FAAH2: variants seen among roughly 807,000 people sequenced by gnomAD.
The protein encoded by FAAH2 is fatty-acid amide hydrolase 2.
In FAAH2, 60 loss-of-function variants were observed where a neutral mutation model predicts 36.9. The ratio of observed to expected loss-of-function variants is 1.63; its 90% CI spans 1.32 to 2.02. FAAH2 has a LOEUF of 2.02. Among genes scored for constraint, FAAH2 ranks in the 30% most tolerant of loss-of-function variants. FAAH2 has a pLI of 0.00. For missense variants in FAAH2, 689 were observed against 397.5 expected (o/e 1.73, Z -6.23); for synonymous variants, 214 against 143.8 (o/e 1.49, Z -3.49).
intron 7 of FAAH2, among the ~76,000 whole-genome samples, chrX:57,419,621 G>A (rs1374973976): frequency 9.0e-6 from 1 of 111,250 alleles, no homozygotes; most frequent in East Asian, 2.8e-4. Context: ...GATATTAGCC[G>A]TTTGTCAGAT....
chrX:57,367,003 A>C (rs1418998814), intron 5 of FAAH2, among the ~76,000 whole-genome samples: 1 of 111,638 alleles, frequency 9.0e-6, no homozygotes, highest in Non-Finnish European at 1.9e-5. Flanking sequence ...GTCTCTGCCA[A>C]CTCTCCAGGC....
intron 10 of FAAH2, among the ~76,000 whole-genome samples, chrX:57,455,274 AC>A (rs935317154): frequency 3.6e-5 from 4 of 111,429 alleles, no homozygotes; most frequent in African/African-American, 1.3e-4. Flanking sequence ...TTATTACCAG[AC>A]CACCCTTACC....
At chrX:57,225,602 A>T in the FAAH2 span, among the ~76,000 whole-genome samples, 1 of 111,649 alleles carries the variant, frequency 9.0e-6, no homozygotes, top group Middle Eastern at 4.6e-3. Context: ...GTTGAATAGA[A>T]TGTGTATTCT....
At chrX:57,285,647 G>C (rs2051798971), upstream of FAAH2, among the ~76,000 whole-genome samples, 1 of 111,663 alleles carries the variant, frequency 9.0e-6, no homozygotes, top group South Asian at 3.8e-4. Flanking sequence ...GCAAAGATAA[G>C]GAGGGAAGAG....
intron 5 of FAAH2, among the ~76,000 whole-genome samples, chrX:57,359,324 G>A (rs1216141692): frequency 9.0e-6 from 1 of 111,257 alleles, no homozygotes; most frequent in Non-Finnish European, 1.9e-5. Flanking sequence ...GTTTAGGTAT[G>A]TTGTAATTTA....
At chrX:57,278,063 G>GA in the FAAH2 span, among the ~76,000 whole-genome samples, 3 of 111,397 alleles carry the variant, frequency 2.7e-5, no homozygotes, top group Non-Finnish European at 5.7e-5. Context: ...CACAGAATTG[G>GA]AAAAAAACTA....
chrX:57,226,448 GT>G, the FAAH2 span, among the ~76,000 whole-genome samples: 1 of 111,836 alleles, frequency 8.9e-6, no homozygotes. Context: ...GCTGATAATT[GT>G]TTTGTTTGAG....
intron 5 of FAAH2, among the ~76,000 whole-genome samples, chrX:57,372,347 G>T (rs1222643004): frequency 1.8e-5 from 2 of 109,978 alleles, no homozygotes; most frequent in Non-Finnish European, 3.8e-5. Context: ...CATTCTGACT[G>T]GTGTGAGATG....
At position 57,341,328 on chromosome X, in the gene FAAH2, T is replaced by C; in HGVS notation, c.680T>C (p.Ile227Thr). 8.3e-7 allele frequency: 1 copy of C among 1,210,317 alleles called. No individual in the cohort carries two copies. The highest frequency in any genetic ancestry group is 1.8e-5 in the South Asian group (1 of 56,844). ...TCAGTTATTGGTGTGGGCTCTGATA[T>C]TGGTGGTAGCATTCGAATGCCTGCT... ...ACSVIGVGSD[I>T]GGSIRMPAFF... is the part of the protein sequence containing the mutation. Residue 227 changes from isoleucine (I) to threonine (T), a missense_variant, in exon 5 of 11, where the codon ATT becomes ACT. Coordinates refer to ENST00000374900, the MANE Select transcript of FAAH2 (RefSeq NM_174912.4).
At chrX:57,333,585 G>A (rs1003034522) in intron 4 of FAAH2, among the ~76,000 whole-genome samples, 2 of 68,098 alleles carry the variant, frequency 2.9e-5, no homozygotes, top group African/African-American at 9.8e-5. Context: ...AGAATCAAAA[G>A]CAAATGCTAG....
the FAAH2 span, among the ~76,000 whole-genome samples, chrX:57,162,966 TCTG>T: frequency 8.9e-6 from 1 of 112,507 alleles, no homozygotes; most frequent in Non-Finnish European, 1.9e-5. Flanking sequence ...GTTTTTCTGT[TCTG>T]CTTTTTCCCC....
At chrX:57,317,061 T>C (rs753911018) in intron 3 of FAAH2, among the ~76,000 whole-genome samples, 1 of 111,454 alleles carries the variant, frequency 9.0e-6, no homozygotes, top group Non-Finnish European at 1.9e-5. Flanking sequence ...AAATAACCCA[T>C]TAAAAAGTGA....
intron 1 of FAAH2, among the ~76,000 whole-genome samples, chrX:57,288,475 G>C (rs1395975250): frequency 3.9e-5 from 4 of 102,308 alleles, no homozygotes; most frequent in Non-Finnish European, 7.9e-5. Context: ...TCAGCCTCCC[G>C]AGTAGCTGGG....
At chrX:57,154,693 T>C in the FAAH2 span, among the ~76,000 whole-genome samples, 1 of 111,441 alleles carries the variant, frequency 9.0e-6, no homozygotes, top group South Asian at 3.8e-4. Flanking sequence ...GATTTCTTGG[T>C]TTGTATCCAT....
chrX:57,384,171 A>G (rs2054941835), intron 7 of FAAH2, among the ~76,000 whole-genome samples: 1 of 109,808 alleles, frequency 9.1e-6, no homozygotes, highest in Non-Finnish European at 1.9e-5. Flanking sequence ...ACAAAAATTA[A>G]TTCAAGATGG....
At chrX:57,216,532 A>ATATATATACATATATG in the FAAH2 span, among the ~76,000 whole-genome samples, 1 of 67,923 alleles carries the variant, frequency 1.5e-5, no homozygotes, top group Non-Finnish European at 2.5e-5. Flanking sequence ...ATATGTATAT[A>ATATATATACATATATG]TATATATATA....
At chrX:57,161,574 C>G in the FAAH2 span, among the ~76,000 whole-genome samples, 352 of 111,666 alleles carry the variant, frequency 3.2e-3, 2 homozygotes, top group South Asian at 0.011. Flanking sequence ...TTTAGGAGAG[C>G]TAGCTCTTCT....
chrX:57,318,165 A>C (rs2146931743), intron 3 of FAAH2, among the ~76,000 whole-genome samples: 1 of 109,237 alleles, frequency 9.2e-6, no homozygotes, highest in East Asian at 2.9e-4. Flanking sequence ...CTAAGATCAG[A>C]GCAGAACTAA....
At chrX:57,261,266 A>C in the FAAH2 span, among the ~76,000 whole-genome samples, 1 of 111,392 alleles carries the variant, frequency 9.0e-6, no homozygotes, top group Admixed American at 9.6e-5. Flanking sequence ...AATTTTGTGG[A>C]GTGAAAAAAT....
Sources: gnomAD v4.1 joint callset for allele counts (sites outside exome capture counted in the v4.1 genomes callset) on GRCh38, gnomAD v4.1.1 for gene constraint, MANE v1.5 for transcripts, NCBI Gene and HGNC (gene_info 2026-07-23, HGNC 2026-07-21) for gene names.